Variants in CSMD1 observed in about 807,000 individuals in gnomAD.
CSMD1 encodes CUB and sushi domain-containing protein 1.
A neutral mutation model predicts 417.5 loss-of-function variants in CSMD1; 213 were observed. The observed-to-expected ratio is 0.51, with a 90% confidence interval of 0.46 to 0.57. CSMD1 has a LOEUF of 0.57. CSMD1 is among the 20% of genes least tolerant of loss of function. The pLI is 0.00. For missense variants in CSMD1, 6,923 were observed against 4,529.7 expected, an observed-to-expected ratio of 1.53 and a Z score of -15.17; for synonymous variants, 2,862 against 1,736.8, an observed-to-expected ratio of 1.65 and a Z score of -16.11.
In CSMD1 at chr8:3,898,930, C is replaced by G. The variant is rs1019762051; in HGVS notation, c.818+98973G>C. Reference sequence around the variant, plus strand: ...CTGTAGTGACTCTATTCAAGAACCTCTGCCCTCAAAAATTTTATGGGAAAA... The same window carrying G: ...CTGTAGTGACTCTATTCAAGAACCTGTGCCCTCAAAAATTTTATGGGAAAA... On this transcript the variant is annotated intron_variant, in intron 5 of 69. Transcript: ENST00000635120. Among the ~76,000 whole-genome samples the G allele has an allele frequency of 3.3e-5, 5 of 152,134 alleles. 1 individual carries two copies. The South Asian group carries it at 8.3e-4, about 25-fold the overall frequency.
At chr8:3,000,259 A>T in intron 52 of CSMD1, 128 bp from the exon 53 acceptor site, 1 of 441,512 alleles carries the variant, frequency 2.3e-6, no homozygotes, top group East Asian at 3.5e-5. Context: ...TTATCATTAC[A>T]TATATATGTA....
chr8:4,350,131 T>G (rs1801006427), intron 3 of CSMD1, among the ~76,000 whole-genome samples: 1 of 152,164 alleles, frequency 6.6e-6, no homozygotes, highest in Non-Finnish European at 1.5e-5. Flanking sequence ...ATCCCAAACT[T>G]CAGTCCAAAT....
At chr8:4,031,104 G>A (rs937764933) in intron 4 of CSMD1, among the ~76,000 whole-genome samples, 17 of 152,052 alleles carry the variant, frequency 1.1e-4, no homozygotes, top group Admixed American at 8.5e-4. Context: ...ACATTTTCCT[G>A]TCTCCTTCTG....
intron 5 of CSMD1, among the ~76,000 whole-genome samples, chr8:3,955,952 C>A (rs1402844422): frequency 2.0e-5 from 3 of 152,154 alleles, no homozygotes; most frequent in Non-Finnish European, 4.4e-5. Flanking sequence ...CAACACCACG[C>A]CCAACTAATT....
chr8:4,716,444 T>A (rs530363689), intron 1 of CSMD1, among the ~76,000 whole-genome samples: 1 of 152,204 alleles, frequency 6.6e-6, no homozygotes, highest in African/African-American at 2.4e-5. Flanking sequence ...GATTAATATC[T>A]GAAAAACAGA....
intron 12 of CSMD1, among the ~76,000 whole-genome samples, chr8:3,466,737 G>C (rs1409672090): frequency 6.6e-6 from 1 of 151,822 alleles, no homozygotes; most frequent in East Asian, 1.9e-4. Context: ...GCTGTTTTCT[G>C]ATAATATAAT....
chr8:3,204,680 C>T (rs1039137676), intron 31 of CSMD1, among the ~76,000 whole-genome samples: 1 of 152,146 alleles, frequency 6.6e-6, no homozygotes, highest in South Asian at 2.1e-4. Context: ...GTTAAAAATG[C>T]TTTATCTCAA....
intron 5 of CSMD1, among the ~76,000 whole-genome samples, chr8:3,782,792 T>C (rs1045585617): frequency 1.4e-4 from 21 of 152,180 alleles, no homozygotes; most frequent in African/African-American, 2.4e-4. Flanking sequence ...GAATTAAAGA[T>C]AACAAATGAT....
intron 8 of CSMD1, among the ~76,000 whole-genome samples, chr8:3,609,809 C>A (rs1489278289): frequency 9.5e-6 from 1 of 105,204 alleles, no homozygotes. Flanking sequence ...AAAGTATCTT[C>A]CCTTTTTTTT....
chr8:3,315,064 C>T (rs535077165), intron 23 of CSMD1, among the ~76,000 whole-genome samples: 143 of 152,230 alleles, frequency 9.4e-4, no homozygotes, highest in African/African-American at 3.4e-3. Flanking sequence ...GAAGTATTTA[C>T]AAAAACATAC....
chr8:3,210,967 T>C (rs1047740863), intron 30 of CSMD1, among the ~76,000 whole-genome samples: 1 of 150,724 alleles, frequency 6.6e-6, no homozygotes, highest in Non-Finnish European at 1.5e-5. Flanking sequence ...ATATCTGAAG[T>C]GGGGGAAAAA....
chr8:3,950,483 C>T (rs756094), intron 5 of CSMD1, among the ~76,000 whole-genome samples: 25,121 of 152,178 alleles, frequency 0.17, 3,956 homozygotes, highest in African/African-American at 0.41. Context: ...ACAAACATAA[C>T]ACGCCCCTTT....
chr8:3,463,267 C>T (rs951242035), intron 12 of CSMD1, among the ~76,000 whole-genome samples: 7 of 152,168 alleles, frequency 4.6e-5, no homozygotes, highest in Admixed American at 1.3e-4. Flanking sequence ...CCCAATACCT[C>T]CTGCTACACA....
At chr8:3,643,490 C>A (rs1237081268) in intron 7 of CSMD1, among the ~76,000 whole-genome samples, 1 of 151,862 alleles carries the variant, frequency 6.6e-6, no homozygotes, top group East Asian at 2.0e-4. Flanking sequence ...ATCACAAGGT[C>A]AGGAGATCGA....
intron 1 of CSMD1, among the ~76,000 whole-genome samples, chr8:4,988,657 A>T (rs1403505006): frequency 6.6e-6 from 1 of 152,208 alleles, no homozygotes; most frequent in Non-Finnish European, 1.5e-5. Flanking sequence ...TCTTCATAGA[A>T]CAAAGATATT....
chr8:4,681,286 C>T (rs763107156), intron 1 of CSMD1, among the ~76,000 whole-genome samples: 3 of 152,092 alleles, frequency 2.0e-5, no homozygotes, highest in Non-Finnish European at 2.9e-5. Context: ...TTAACTTCTA[C>T]TTTGTATCGT....
intron 5 of CSMD1, among the ~76,000 whole-genome samples, chr8:3,759,459 A>G (rs953142032): frequency 1.3e-5 from 2 of 152,174 alleles, no homozygotes; most frequent in Non-Finnish European, 2.9e-5. Flanking sequence ...GAAGTCTTCT[A>G]CAGCTGTTAG....
intron 2 of CSMD1, among the ~76,000 whole-genome samples, chr8:4,529,282 A>G (rs1317222279): frequency 6.6e-6 from 1 of 152,210 alleles, no homozygotes; most frequent in Non-Finnish European, 1.5e-5. Context: ...CAAAAGGTAC[A>G]TAGTGCACAA....
At chr8:4,502,150 A>G (rs958379143) in intron 2 of CSMD1, among the ~76,000 whole-genome samples, 2 of 152,142 alleles carry the variant, frequency 1.3e-5, no homozygotes, top group African/African-American at 4.8e-5. Flanking sequence ...GATAAAAATA[A>G]CTTCATGATT....
Sources: allele counts gnomAD v4.1 joint callset (sites outside exome capture counted in the v4.1 genomes callset), GRCh38; gene constraint gnomAD v4.1.1; transcripts MANE v1.5; gene names NCBI Gene and HGNC (gene_info 2026-07-23, HGNC 2026-07-21).